Variants in TRPC5 observed in about 807,000 individuals in gnomAD.
TRPC5 encodes the protein short transient receptor potential channel 5.
Under a neutral mutation model 56.5 loss-of-function variants are expected in TRPC5, and 9 were observed. That is an observed-to-expected ratio of 0.16 (90% confidence interval 0.10 to 0.28). The LOEUF is 0.28. Among genes scored for constraint, TRPC5 ranks in the 10% least tolerant of loss-of-function variants. The pLI is 1.00. For missense variants in TRPC5, 469 were observed against 748.9 expected, an observed-to-expected ratio of 0.63 and a Z score of 4.36; for synonymous variants, 282 against 278.5, an observed-to-expected ratio of 1.01 and a Z score of -0.13.
rs193206616 is a variant in TRPC5, at chrX:111,993,330, T to A, written c.-21-40889A>T. On this transcript the variant is annotated intron_variant, in intron 1 of 10. Transcript: ENST00000262839. The stretch of plus-strand genomic sequence containing the variant: ...TGGACATTTGGGTTGGTTCCCAGTC[T>A]TTGCTATTGTGAATAGTGCCACAAT... Among the ~76,000 whole-genome samples, 841 of 112,007 alleles carry A rather than the reference T, an allele frequency of 7.5e-3. 7 individuals carry two copies. Among genetic ancestry groups the A allele is most frequent in the African/African-American group, 0.025 (783 of 30,799 alleles).
intron 3 of TRPC5, among the ~76,000 whole-genome samples, chrX:111,898,794 C>G (rs1925195473): frequency 9.1e-6 from 1 of 110,157 alleles, no homozygotes; most frequent in Admixed American, 9.7e-5. Flanking sequence ...AGGGGCTTTA[C>G]CCAGGTTGAG....
At chrX:111,835,142 G>C in intron 6 of TRPC5, 26 bp from the exon 7 acceptor site, 1 of 1,132,317 alleles carries the variant, frequency 8.8e-7, no homozygotes, top group Non-Finnish European at 1.2e-6. Flanking sequence ...GAGCAGGTTA[G>C]TTAATTCTTT....
chrX:111,941,813 T>C (rs1926787021), intron 2 of TRPC5, among the ~76,000 whole-genome samples: 1 of 111,988 alleles, frequency 8.9e-6, no homozygotes, highest in Non-Finnish European at 1.9e-5. Context: ...TGGTGCACCA[T>C]GTGGGCTCCT....
chrX:111,939,141 C>T (rs1392668507), intron 2 of TRPC5, among the ~76,000 whole-genome samples: 1 of 111,950 alleles, frequency 8.9e-6, no homozygotes, highest in Non-Finnish European at 1.9e-5. Context: ...GTTTCTTCAG[C>T]ATCAATTGAA....
intron 1 of TRPC5, among the ~76,000 whole-genome samples, chrX:112,050,136 A>G (rs1213035167): frequency 8.9e-6 from 1 of 112,319 alleles, no homozygotes; most frequent in Non-Finnish European, 1.9e-5. Flanking sequence ...AGATTGTACC[A>G]TTGCCTTGGT....
chrX:111,890,065 A>G (rs1924729741), intron 3 of TRPC5, among the ~76,000 whole-genome samples: 1 of 111,818 alleles, frequency 8.9e-6, no homozygotes, highest in South Asian at 3.7e-4. Flanking sequence ...TTCTGCATCC[A>G]TGGAGTCAAC....
At chrX:111,808,478 G>T (rs992369234) in intron 7 of TRPC5, among the ~76,000 whole-genome samples, 1 of 110,908 alleles carries the variant, frequency 9.0e-6, no homozygotes, top group Non-Finnish European at 1.9e-5. Context: ...TCACTCAAGG[G>T]CCAATGACCC....
chrX:111,867,715 G>A (rs927559369), intron 3 of TRPC5, among the ~76,000 whole-genome samples: 4 of 111,813 alleles, frequency 3.6e-5, no homozygotes, highest in African/African-American at 9.8e-5. Flanking sequence ...TTCCGTCCCT[G>A]CTAAAATTTA....
chrX:111,837,921 A>AG (rs1214806468), intron 6 of TRPC5, among the ~76,000 whole-genome samples: 40 of 106,107 alleles, frequency 3.8e-4, no homozygotes, highest in African/African-American at 1.2e-3. Context: ...AAAAAAAAAA[A>AG]AAAAGCCAGG....
Position 111,827,892 on chromosome X carries a change from A to T in TRPC5, c.1896+7029T>A, listed in dbSNP as rs184449427. Among the ~76,000 whole-genome samples the T allele has an allele frequency of 2.7e-5, 3 of 110,917 alleles. No homozygotes were observed. The East Asian group carries it at 8.5e-4, about 32-fold the overall frequency. On this transcript the variant is annotated intron_variant, in intron 7 of 10. Coordinates refer to ENST00000262839, the MANE Select transcript of TRPC5 (RefSeq NM_012471.3). Reference sequence around the variant, plus strand: ...CCAACGGTCCATGAGGCCCTAAGTGATCTGTCACTCACTCCCATTACCTCT... The same window carrying T: ...CCAACGGTCCATGAGGCCCTAAGTGTTCTGTCACTCACTCCCATTACCTCT...
At chrX:112,012,584 T>C (rs1337352084) in intron 1 of TRPC5, among the ~76,000 whole-genome samples, 1 of 110,699 alleles carries the variant, frequency 9.0e-6, no homozygotes, top group Non-Finnish European at 1.9e-5. Context: ...AGAACAGCCT[T>C]ATGAGGCAGG....
chrX:111,977,412 A>G (rs1927960591), intron 1 of TRPC5, among the ~76,000 whole-genome samples: 1 of 112,039 alleles, frequency 8.9e-6, no homozygotes, highest in East Asian at 2.8e-4. Context: ...TATTGGGAAA[A>G]CTGGATATCC....
intron 1 of TRPC5, among the ~76,000 whole-genome samples, chrX:111,955,022 A>G (rs142170994): frequency 0.048 from 5,384 of 112,179 alleles, 131 homozygotes; most frequent in Middle Eastern, 0.078. Context: ...AGTACCATTC[A>G]TTGAACTCTC....
rs1469055094 is a variant in TRPC5, at chrX:111,771,275, A to G, written c.*5038T>C. Among the ~76,000 whole-genome samples, 2 of 112,111 alleles carry G rather than the reference A, an allele frequency of 1.8e-5. No individual in the cohort carries two copies. The highest frequency in any genetic ancestry group is 3.8e-5 in the Non-Finnish European group (2 of 53,264). On this transcript the variant is annotated 3_prime_UTR_variant, in exon 11 of 11. Transcript: ENST00000262839. ...GAGCTTTCACATCTTTTCACATCAT[A>G]TAAGAAAACTAGCTTTTTGGCATAA...
At chrX:112,008,376 G>T (rs1332242185) in intron 1 of TRPC5, among the ~76,000 whole-genome samples, 1 of 111,477 alleles carries the variant, frequency 9.0e-6, no homozygotes, top group Non-Finnish European at 1.9e-5. Flanking sequence ...TGGATCACGA[G>T]GTCAGGAGAT....
intron 7 of TRPC5, among the ~76,000 whole-genome samples, chrX:111,811,984 C>T (rs1174822046): frequency 9.0e-6 from 1 of 111,199 alleles, no homozygotes; most frequent in Non-Finnish European, 1.9e-5. Context: ...TGAACTGAGT[C>T]ACATTTTCAA....
At chrX:111,967,918 G>T (rs751646962) in intron 1 of TRPC5, among the ~76,000 whole-genome samples, 1 of 110,994 alleles carries the variant, frequency 9.0e-6, no homozygotes, top group East Asian at 2.8e-4. Flanking sequence ...CATGGGCAAG[G>T]ACTTCATGTC....
intron 6 of TRPC5, among the ~76,000 whole-genome samples, chrX:111,838,289 C>G (rs1472366473): frequency 9.0e-6 from 1 of 110,825 alleles, no homozygotes; most frequent in Non-Finnish European, 1.9e-5. Context: ...CAAAATATTA[C>G]AGTGTGGTCC....
intron 1 of TRPC5, among the ~76,000 whole-genome samples, chrX:112,062,056 G>C (rs1325273588): frequency 9.0e-6 from 1 of 111,596 alleles, no homozygotes; most frequent in East Asian, 2.8e-4. Context: ...TACTAGAACA[G>C]ATGTGTTTTC....
Sources: gnomAD v4.1 joint callset for allele counts (sites outside exome capture counted in the v4.1 genomes callset) on GRCh38, gnomAD v4.1.1 for gene constraint, MANE v1.5 for transcripts, NCBI Gene and HGNC (gene_info 2026-07-23, HGNC 2026-07-21) for gene names.